NAALADL2: variants seen among roughly 807,000 people sequenced by gnomAD.
The protein encoded by NAALADL2 is N-acetylated alpha-linked acidic dipeptidase like 2, also known as inactive N-acetylated-alpha-linked acidic dipeptidase-like protein 2.
A neutral mutation model predicts 87.2 loss-of-function variants in NAALADL2; 76 were observed. The ratio of observed to expected loss-of-function variants is 0.87; its 90% CI spans 0.72 to 1.05. The LOEUF (loss-of-function observed/expected upper bound fraction) is 1.05, where lower values mean the gene tolerates loss of function less well. Among genes scored for constraint, NAALADL2 ranks in the 50% least tolerant of loss-of-function variants. The pLI is 0.00. For synonymous variants in NAALADL2, 354 were observed against 331.0 expected, an observed-to-expected ratio of 1.07 and a Z score of -0.75; for missense variants, 1,089 against 945.8, an observed-to-expected ratio of 1.15 and a Z score of -1.99.
chr3:175,674,520 TC>T (rs1212519157), intron 11 of NAALADL2, among the ~76,000 whole-genome samples: 4 of 152,126 alleles, frequency 2.6e-5, no homozygotes, highest in Non-Finnish European at 5.9e-5. Flanking sequence ...TGCCTCGGCC[TC>T]CCAAATTGCT....
At chr3:174,563,088 T>C (rs16861788) in intron 2 of NAALADL2, among the ~76,000 whole-genome samples, 28,290 of 151,890 alleles carry the variant, frequency 0.19, 2,783 homozygotes, top group Middle Eastern at 0.22. Flanking sequence ...TTGGCTGAAA[T>C]GATTTTGTTA....
At chr3:175,551,093 T>C (rs1181314325) in intron 9 of NAALADL2, among the ~76,000 whole-genome samples, 1 of 151,944 alleles carries the variant, frequency 6.6e-6, no homozygotes, top group Non-Finnish European at 1.5e-5. Context: ...TCTGCGTGTG[T>C]GTGTGTGTGT....
chr3:175,290,683 A>C (rs1352083669), intron 4 of NAALADL2, among the ~76,000 whole-genome samples: 5 of 152,202 alleles, frequency 3.3e-5, no homozygotes, highest in Admixed American at 1.3e-4. Flanking sequence ...GACCTTGAGC[A>C]ATAGGATATA....
chr3:175,268,264 A>G (rs528304788), intron 4 of NAALADL2, among the ~76,000 whole-genome samples: 1 of 152,294 alleles, frequency 6.6e-6, no homozygotes, highest in African/African-American at 2.4e-5. Flanking sequence ...GGCAATTATA[A>G]TGTAGTAGTA....
intron 11 of NAALADL2, among the ~76,000 whole-genome samples, chr3:175,704,018 G>A (rs1193058654): frequency 6.6e-6 from 1 of 152,112 alleles, no homozygotes; most frequent in Non-Finnish European, 1.5e-5. Flanking sequence ...AATGGGTATG[G>A]ATTCTTGGCT....
intron 4 of NAALADL2, among the ~76,000 whole-genome samples, chr3:175,297,652 T>C (rs1756545970): frequency 6.6e-6 from 1 of 152,152 alleles, no homozygotes; most frequent in Non-Finnish European, 1.5e-5. Flanking sequence ...GTAATTCACA[T>C]TTTTAAATTG....
intron 3 of NAALADL2, among the ~76,000 whole-genome samples, chr3:174,751,662 C>CA (rs35752458): frequency 0.043 from 5,528 of 128,392 alleles, 210 homozygotes; most frequent in African/African-American, 0.083. Context: ...GACTTTGTCT[C>CA]AAAAAAAAAA....
upstream of NAALADL2, among the ~76,000 whole-genome samples, chr3:174,855,897 C>T (rs890717053): frequency 7.2e-6 from 1 of 138,262 alleles, no homozygotes; most frequent in Non-Finnish European, 1.5e-5. Context: ...AATATATATA[C>T]ACATAGATAT....
At chr3:174,554,246 C>T (rs954584849) in intron 2 of NAALADL2, among the ~76,000 whole-genome samples, 2 of 151,920 alleles carry the variant, frequency 1.3e-5, no homozygotes, top group African/African-American at 2.4e-5. Context: ...AAAATAGTAT[C>T]ATATCTTTAA....
At chr3:174,702,574 A>G (rs1729659969) in intron 2 of NAALADL2, among the ~76,000 whole-genome samples, 3 of 152,198 alleles carry the variant, frequency 2.0e-5, no homozygotes, top group Admixed American at 6.5e-5. Flanking sequence ...AACATCATAG[A>G]GTGTACTTAC....
chr3:174,753,487 T>G (rs1711546732), intron 3 of NAALADL2, among the ~76,000 whole-genome samples: 1 of 152,238 alleles, frequency 6.6e-6, no homozygotes, highest in South Asian at 2.1e-4. Context: ...TTTCCAAGTT[T>G]TACATTGGTG....
intron 1 of NAALADL2, among the ~76,000 whole-genome samples, chr3:174,902,520 G>A (rs899283594): frequency 2.0e-5 from 3 of 151,856 alleles, no homozygotes; most frequent in Non-Finnish European, 2.9e-5. Context: ...AGACAATCGC[G>A]TGATTAAAGA....
In NAALADL2 at chr3:175,698,452, C is replaced by CAT. The variant is rs1298315189; in HGVS notation, c.1897-38849_1897-38848dup. On this transcript the variant is annotated intron_variant, in intron 11 of 13. Transcript: ENST00000454872. Reference sequence around the variant, plus strand: ...ATGTGTATATATTTATGTATGTATACATATATGTGTATATATGTGTGTATA... The same window carrying CAT: ...ATGTGTATATATTTATGTATGTATACATATATATGTGTATATATGTGTGTATA... Among the ~76,000 whole-genome samples, 22 of 92,662 alleles carry CAT rather than the reference C, an allele frequency of 2.4e-4. 1 individual carries two copies. Among genetic ancestry groups the CAT allele is most frequent in the African/African-American group, 4.0e-4 (7 of 17,694 alleles). The allele number at this position is 92,662 out of a possible 152,430, so 60.8% of individuals were successfully genotyped here.
At chr3:174,638,974 T>A (rs1348315928) in intron 2 of NAALADL2, among the ~76,000 whole-genome samples, 1 of 152,198 alleles carries the variant, frequency 6.6e-6, no homozygotes, top group Non-Finnish European at 1.5e-5. Context: ...TTCTAGATGA[T>A]TTGGAGAGCT....
intron 4 of NAALADL2, among the ~76,000 whole-genome samples, chr3:175,300,728 A>T (rs1039941601): frequency 2.7e-5 from 4 of 150,348 alleles, no homozygotes; most frequent in Non-Finnish European, 5.9e-5. Context: ...ATTTTCAAAA[A>T]ACCATCTCCT....
chr3:175,397,615 T>C (rs1035900089), intron 5 of NAALADL2, among the ~76,000 whole-genome samples: 1 of 152,182 alleles, frequency 6.6e-6, no homozygotes, highest in African/African-American at 2.4e-5. Flanking sequence ...TCCCTTCTTA[T>C]TCTCTAACAG....
chr3:174,659,280 C>T (rs73046303), intron 2 of NAALADL2, among the ~76,000 whole-genome samples: 15,333 of 152,004 alleles, frequency 0.1, 1,007 homozygotes, highest in South Asian at 0.28. Flanking sequence ...GTTTATATGA[C>T]GTTTATTAAT....
At chr3:174,491,484 C>T (rs1359256637) in intron 1 of NAALADL2, among the ~76,000 whole-genome samples, 2 of 152,042 alleles carry the variant, frequency 1.3e-5, no homozygotes, top group South Asian at 2.1e-4. Flanking sequence ...AATAATTTAT[C>T]TTTATTATTG....
intron 1 of NAALADL2, among the ~76,000 whole-genome samples, chr3:175,082,350 T>C (rs1718030760): frequency 6.6e-6 from 1 of 152,232 alleles, no homozygotes; most frequent in Non-Finnish European, 1.5e-5. Context: ...ATGTAGTTTA[T>C]TATTTCTATC....
Sources: gnomAD v4.1 joint callset for allele counts (sites outside exome capture counted in the v4.1 genomes callset) on GRCh38, gnomAD v4.1.1 for gene constraint, MANE v1.5 for transcripts, NCBI Gene and HGNC (gene_info 2026-07-23, HGNC 2026-07-21) for gene names.